Variants in DCAF6 observed in about 807,000 individuals in gnomAD.
DCAF6 encodes the protein DDB1 and CUL4 associated factor 6.
In DCAF6, 54 loss-of-function variants were observed where a neutral mutation model predicts 125.1. The observed-to-expected ratio is 0.43, with a 90% CI of 0.35 to 0.54. DCAF6 has a LOEUF of 0.54. Among genes scored for constraint, DCAF6 ranks in the 20% least tolerant of loss-of-function variants. The probability of loss-of-function intolerance (pLI) is 0.01; values close to 1 mark genes in which losing one functional copy is unlikely to be tolerated. For missense variants in DCAF6, 934 were observed against 1,161.7 expected (o/e 0.80, Z 2.85); for synonymous variants, 371 against 390.4 (o/e 0.95, Z 0.58).
At chr1:167,980,916 C>CTTTTTTTTTTTTTTTTT (rs71100920) in intron 4 of DCAF6, among the ~76,000 whole-genome samples, 1 of 113,600 alleles carries the variant, frequency 8.8e-6, no homozygotes, top group African/African-American at 3.3e-5. Flanking sequence ...TCTGAATTTT[C>CTTTTTTTTTTTTTTTTT]TTTTTTTTTT....
Position 167,993,322 on chromosome 1 carries a change from G to C in DCAF6, c.785G>C (p.Ser262Thr). The change falls in exon 7 of 22, where the codon AGT (serine) becomes ACT (threonine). Residue 262 changes from serine (S) to threonine (T), a missense_variant. Ser to Thr is a moderately conservative substitution (Grantham distance 58). Transcript: ENST00000367840. ...TGCAGAGTGACATCTCTGTGTTACA[G>C]TGAAGATGGTCAAGAGATTCTCGTT... ...KSCRVTSLCY[S>T]EDGQEILVSY... The C allele has an allele frequency of 1.2e-6, 2 of 1,613,924 alleles. No homozygotes were observed. The highest frequency in any genetic ancestry group is 1.1e-5 in the South Asian group (1 of 91,070).
chr1:167,864,101 G>C, the DCAF6 span, among the ~76,000 whole-genome samples: 1 of 152,110 alleles, frequency 6.6e-6, no homozygotes, highest in Non-Finnish European at 1.5e-5. Context: ...TTTGGTTTTG[G>C]TTTTGACCTG....
chr1:167,875,381 C>G, the DCAF6 span, among the ~76,000 whole-genome samples: 1 of 152,122 alleles, frequency 6.6e-6, no homozygotes, highest in African/African-American at 2.4e-5. Flanking sequence ...ATCCAAAGAA[C>G]TCAGGTAGCA....
chr1:167,884,719 A>AC, the DCAF6 span, among the ~76,000 whole-genome samples: 122 of 119,506 alleles, frequency 1.0e-3, no homozygotes, highest in African/African-American at 3.9e-3. Context: ...TTTTTTTGAG[A>AC]CGGAGTCTCG....
the DCAF6 span, among the ~76,000 whole-genome samples, chr1:167,881,428 G>T: frequency 5.2e-3 from 787 of 152,294 alleles, 10 homozygotes; most frequent in African/African-American, 0.018. Flanking sequence ...CTCTCCAAAA[G>T]AATTTGATCA....
chr1:167,928,260 A>G, the DCAF6 span, among the ~76,000 whole-genome samples: 5 of 151,440 alleles, frequency 3.3e-5, no homozygotes, highest in Non-Finnish European at 7.4e-5. Context: ...AGGCAGGAGA[A>G]TGGCGTGAAG....
the DCAF6 span, chr1:167,919,937 T>C: frequency 6.8e-7 from 1 of 1,467,772 alleles, no homozygotes; most frequent in Non-Finnish European, 9.3e-7. Context: ...GCCATCTAAG[T>C]AGCTTTTGCA....
chr1:167,985,728 A>C (rs1228116834), intron 4 of DCAF6, among the ~76,000 whole-genome samples: 1 of 152,222 alleles, frequency 6.6e-6, no homozygotes, highest in African/African-American at 2.4e-5. Context: ...CTTTTAAGAC[A>C]AAAGTTTTCC....
At chr1:168,062,731 GAA>G (rs1308794642) in intron 17 of DCAF6, among the ~76,000 whole-genome samples, 9 of 151,938 alleles carry the variant, frequency 5.9e-5, no homozygotes, top group Non-Finnish European at 1.2e-4. Flanking sequence ...TGTTAGGAGA[GAA>G]GTTTTATTTT....
chr1:167,873,768 T>C, the DCAF6 span, among the ~76,000 whole-genome samples: 1 of 152,074 alleles, frequency 6.6e-6, no homozygotes, highest in Non-Finnish European at 1.5e-5. Context: ...TAGAAAAATA[T>C]CTCCATGATT....
At chr1:167,895,439 T>G in the DCAF6 span, among the ~76,000 whole-genome samples, 1 of 152,124 alleles carries the variant, frequency 6.6e-6, no homozygotes, top group Non-Finnish European at 1.5e-5. Context: ...GTCTTCTATT[T>G]GTAACATCTA....
intron 20 of DCAF6, 31 bp downstream of exon 20, chr1:168,066,496 A>G (rs770506213): frequency 4.1e-5 from 58 of 1,399,956 alleles, no homozygotes; most frequent in East Asian, 2.3e-5. Context: ...ACTATAGACC[A>G]TATTTCAATT....
chr1:167,891,377 T>G, the DCAF6 span, among the ~76,000 whole-genome samples: 1 of 151,260 alleles, frequency 6.6e-6, no homozygotes, highest in Non-Finnish European at 1.5e-5. Context: ...GAGTGTTGGG[T>G]CGGGCGCAGT....
the DCAF6 span, among the ~76,000 whole-genome samples, chr1:167,910,333 T>C: frequency 6.6e-6 from 1 of 152,252 alleles, no homozygotes; most frequent in African/African-American, 2.4e-5. Context: ...CATTGACCTC[T>C]TTAAAATTCA....
the DCAF6 span, among the ~76,000 whole-genome samples, chr1:167,897,364 G>C: frequency 6.6e-6 from 1 of 150,698 alleles, no homozygotes; most frequent in Admixed American, 6.6e-5. Context: ...AGGTGTAGTG[G>C]CACATGTCTG....
chr1:168,023,078 T>A, intron 12 of DCAF6, 31 bp downstream of exon 12: 2 of 1,608,278 alleles, frequency 1.2e-6, no homozygotes, highest in Non-Finnish European at 1.7e-6. Context: ...GCTATGCCCA[T>A]CCATCCATAG....
intron 10 of DCAF6, among the ~76,000 whole-genome samples, chr1:168,013,553 A>G (rs1210970665): frequency 6.6e-6 from 1 of 152,100 alleles, no homozygotes; most frequent in Admixed American, 6.5e-5. Context: ...TGAGGTTTTT[A>G]TGCACCTATT....
chr1:168,062,458 C>T (rs1691718259), intron 17 of DCAF6, among the ~76,000 whole-genome samples: 1 of 152,050 alleles, frequency 6.6e-6, no homozygotes, highest in Non-Finnish European at 1.5e-5. Context: ...AAACTCCTCT[C>T]AGTAATGCCT....
At chr1:167,904,064 G>T in the DCAF6 span, 2 of 917,156 alleles carry the variant, frequency 2.2e-6, no homozygotes, top group Non-Finnish European at 3.5e-6. Flanking sequence ...GACTACCCTG[G>T]AAGGCAGCGG....
Sources: gnomAD v4.1 joint callset for allele counts (sites outside exome capture counted in the v4.1 genomes callset) on GRCh38, gnomAD v4.1.1 for gene constraint, MANE v1.5 for transcripts, NCBI Gene and HGNC (gene_info 2026-07-23, HGNC 2026-07-21) for gene names.